PPM1H: variants seen among roughly 807,000 people sequenced by gnomAD.
The protein encoded by PPM1H is protein phosphatase 1H.
PPM1H carries 27 observed loss-of-function variants against 54.9 expected under a neutral mutation model. The observed-to-expected ratio is 0.49, with a 90% CI of 0.36 to 0.68. The LOEUF is 0.68. Ranked by LOEUF, PPM1H falls within the 30% of genes least tolerant of loss-of-function variation. The probability of loss-of-function intolerance (pLI) is 0.00; values close to 1 mark genes in which losing one functional copy is unlikely to be tolerated. For synonymous variants in PPM1H, 305 were observed against 270.8 expected, an observed-to-expected ratio of 1.13 and a Z score of -1.24; for missense variants, 596 against 667.8, an observed-to-expected ratio of 0.89 and a Z score of 1.19.
chr12:62,703,973 AGCGTGT>A (rs1378548785), intron 6 of PPM1H, among the ~76,000 whole-genome samples: 1 of 86,796 alleles, frequency 1.2e-5, no homozygotes, highest in Non-Finnish European at 2.2e-5. Context: ...AGAGAGAGAA[AGCGTGT>A]GTGTGTGTGT....
intron 8 of PPM1H, among the ~76,000 whole-genome samples, chr12:62,683,961 G>A (rs147213519): frequency 4.5e-4 from 69 of 152,312 alleles, no homozygotes; most frequent in African/African-American, 1.6e-3. Flanking sequence ...GTGCTGGACT[G>A]GGACTGGGAG....
intron 1 of PPM1H, chr12:62,840,010 T>C (rs12321622): frequency 0.09 from 13,567 of 151,066 alleles, 1,020 homozygotes; most frequent in African/African-American, 0.21. Flanking sequence ...CACCATACTC[T>C]AGTCTGGATG....
At chr12:62,879,958 C>A (rs1158253221) in intron 1 of PPM1H, among the ~76,000 whole-genome samples, 2 of 151,996 alleles carry the variant, frequency 1.3e-5, no homozygotes, top group African/African-American at 4.8e-5. Context: ...ACACTCTATT[C>A]TAAAGTCATT....
At chr12:62,888,416 A>G (rs898535410) in intron 1 of PPM1H, among the ~76,000 whole-genome samples, 2 of 152,176 alleles carry the variant, frequency 1.3e-5, no homozygotes, top group Non-Finnish European at 2.9e-5. Flanking sequence ...TATGAATGGT[A>G]TTTAGAGACA....
intron 4 of PPM1H, chr12:62,755,814 GGT>G: frequency 3.4e-6 from 3 of 882,934 alleles, no homozygotes; most frequent in Non-Finnish European, 5.6e-6. Flanking sequence ...GGGAAACTGT[GGT>G]GTGACAGCCA....
chr12:62,816,701 A>G (rs1417320875), intron 2 of PPM1H, among the ~76,000 whole-genome samples: 1 of 152,100 alleles, frequency 6.6e-6, no homozygotes, highest in Non-Finnish European at 1.5e-5. Flanking sequence ...GGCGTCTGGT[A>G]CACGAGTGCT....
chr12:62,795,784 T>C (rs972338610), intron 3 of PPM1H, among the ~76,000 whole-genome samples: 3 of 151,904 alleles, frequency 2.0e-5, no homozygotes, highest in Non-Finnish European at 2.9e-5. Flanking sequence ...TAGGGTGCAG[T>C]GGTGTGATCT....
At chr12:62,672,501 A>G (rs1230215246) in intron 8 of PPM1H, among the ~76,000 whole-genome samples, 6 of 152,232 alleles carry the variant, frequency 3.9e-5, no homozygotes, top group African/African-American at 1.4e-4. Flanking sequence ...TAACCAAGTT[A>G]AGATTCAAAG....
intron 4 of PPM1H, among the ~76,000 whole-genome samples, chr12:62,768,201 G>A (rs1040756315): frequency 6.6e-6 from 1 of 152,190 alleles, no homozygotes. Flanking sequence ...GAGGAAGGTT[G>A]TTCCCTGTGC....
At chr12:62,767,075 T>C (rs1239003294) in intron 4 of PPM1H, among the ~76,000 whole-genome samples, 1 of 152,152 alleles carries the variant, frequency 6.6e-6, no homozygotes, top group African/African-American at 2.4e-5. Context: ...ACATGCCTCA[T>C]GGTAAGCTCC....
At chr12:62,750,944 A>C (rs1249086552) in intron 4 of PPM1H, among the ~76,000 whole-genome samples, 1 of 152,234 alleles carries the variant, frequency 6.6e-6, no homozygotes, top group African/African-American at 2.4e-5. Flanking sequence ...CAGGGTCAAT[A>C]TCTAAAATTC....
At chr12:62,771,106 C>T (rs1305146858) in intron 4 of PPM1H, among the ~76,000 whole-genome samples, 3 of 135,954 alleles carry the variant, frequency 2.2e-5, no homozygotes, top group Admixed American at 7.6e-5. Context: ...TTTTCGAATG[C>T]CTGAGAGCTG....
At chr12:62,804,123 T>G (rs982363160) in intron 2 of PPM1H, among the ~76,000 whole-genome samples, 8 of 152,264 alleles carry the variant, frequency 5.3e-5, no homozygotes, top group Admixed American at 5.2e-4. Context: ...AAAAGTATGC[T>G]CTCACTACTT....
At chr12:62,683,441 C>T (rs1324728603) in intron 8 of PPM1H, among the ~76,000 whole-genome samples, 1 of 152,164 alleles carries the variant, frequency 6.6e-6, no homozygotes, top group African/African-American at 2.4e-5. Context: ...ATTGCTTGTG[C>T]AGTCCTCTGG....
At chr12:62,872,715 C>T (rs1216084764) in intron 1 of PPM1H, among the ~76,000 whole-genome samples, 1 of 152,112 alleles carries the variant, frequency 6.6e-6, no homozygotes, top group Non-Finnish European at 1.5e-5. Flanking sequence ...ACCCTTAGAC[C>T]AATCAGGATG....
At chr12:62,841,232 C>G (rs954613547) in intron 1 of PPM1H, among the ~76,000 whole-genome samples, 1 of 152,108 alleles carries the variant, frequency 6.6e-6, no homozygotes, top group Non-Finnish European at 1.5e-5. Flanking sequence ...AAGTCAGTAG[C>G]TGCCAAGTTC....
intron 1 of PPM1H, among the ~76,000 whole-genome samples, chr12:62,854,781 T>C (rs1869322665): frequency 6.6e-6 from 1 of 152,142 alleles, no homozygotes. Context: ...AGGTAAATGT[T>C]TGTCACTCTC....
At chr12:62,874,327 G>C (rs920397672) in intron 1 of PPM1H, among the ~76,000 whole-genome samples, 1 of 152,122 alleles carries the variant, frequency 6.6e-6, no homozygotes, top group African/African-American at 2.4e-5. Flanking sequence ...GACTTTCAAA[G>C]GAGAACAAAG....
intron 4 of PPM1H, among the ~76,000 whole-genome samples, chr12:62,741,793 G>A (rs926781709): frequency 2.0e-5 from 3 of 152,126 alleles, no homozygotes; most frequent in Non-Finnish European, 2.9e-5. Flanking sequence ...CGTGCCAGAC[G>A]TGCAACAATT....
Sources: allele counts gnomAD v4.1 joint callset (sites outside exome capture counted in the v4.1 genomes callset), GRCh38; gene constraint gnomAD v4.1.1; transcripts MANE v1.5; gene names NCBI Gene and HGNC (gene_info 2026-07-23, HGNC 2026-07-21).